CRYBG3: variants seen among roughly 807,000 people sequenced by gnomAD.
The protein encoded by CRYBG3 is crystallin beta-gamma domain containing 3.
In CRYBG3, 127 loss-of-function variants were observed where a neutral mutation model predicts 244.2. The ratio of observed to expected loss-of-function variants is 0.52; its 90% confidence interval spans 0.45 to 0.60. The LOEUF (loss-of-function observed/expected upper bound fraction) is 0.60. Ranked by LOEUF, CRYBG3 falls within the 20% of genes least tolerant of loss-of-function variation. The probability of loss-of-function intolerance (pLI) is 0.00; values close to 1 mark genes in which losing one functional copy is unlikely to be tolerated. For synonymous variants in CRYBG3, 1,132 were observed against 1,195.8 expected, an observed-to-expected ratio of 0.95 and a Z score of 1.10; for missense variants, 3,325 against 3,442.5, an observed-to-expected ratio of 0.97 and a Z score of 0.85.
intron 1 of CRYBG3, among the ~76,000 whole-genome samples, chr3:97,837,772 C>T (rs934107115): frequency 1.3e-5 from 2 of 152,196 alleles, no homozygotes; most frequent in Non-Finnish European, 1.5e-5. Context: ...CTTCCTCTCT[C>T]GAAATGGCAA....
intron 1 of CRYBG3, among the ~76,000 whole-genome samples, chr3:97,829,006 A>G (rs1356364544): frequency 6.6e-6 from 1 of 152,130 alleles, no homozygotes; most frequent in Admixed American, 6.5e-5. Context: ...AAGGGATGAG[A>G]GGCAGGAGAA....
chr3:97,838,065 A>T (rs2038759332), intron 1 of CRYBG3, among the ~76,000 whole-genome samples: 1 of 152,044 alleles, frequency 6.6e-6, no homozygotes, highest in Non-Finnish European at 1.5e-5. Context: ...CCTCATGAGA[A>T]ATTGACTCTG....
At chr3:97,924,019 G>A (rs1486336217) in intron 17 of CRYBG3, among the ~76,000 whole-genome samples, 1 of 152,040 alleles carries the variant, frequency 6.6e-6, no homozygotes, top group African/African-American at 2.4e-5. Context: ...AGAACAACAT[G>A]TAGGGTCACT....
At chr3:97,870,916 C>G (rs542595681) in intron 3 of CRYBG3, among the ~76,000 whole-genome samples, 1 of 152,102 alleles carries the variant, frequency 6.6e-6, no homozygotes, top group African/African-American at 2.4e-5. Flanking sequence ...ATGTTGTGCT[C>G]TGTGCACCCA....
intron 2 of CRYBG3, 96 bp from the exon 3 acceptor site, chr3:97,864,121 C>T: frequency 1.0e-6 from 1 of 957,556 alleles, no homozygotes; most frequent in Non-Finnish European, 1.5e-6. Context: ...ACAAATGTAT[C>T]CCTGGTGTCT....
At chr3:97,823,325 C>G (rs1333066374) in intron 1 of CRYBG3, among the ~76,000 whole-genome samples, 1 of 152,100 alleles carries the variant, frequency 6.6e-6, no homozygotes, top group East Asian at 1.9e-4. Flanking sequence ...GTGTTTACTT[C>G]GGACTCAAGA....
intron 2 of CRYBG3, among the ~76,000 whole-genome samples, chr3:97,861,269 A>G (rs1326305776): frequency 6.6e-6 from 1 of 152,124 alleles, no homozygotes; most frequent in East Asian, 1.9e-4. Flanking sequence ...CTTCGAATTA[A>G]GCTCAAATGT....
intron 10 of CRYBG3, among the ~76,000 whole-genome samples, chr3:97,891,810 C>T (rs953002597): frequency 1.3e-5 from 2 of 152,140 alleles, no homozygotes; most frequent in East Asian, 1.9e-4. Context: ...TGAATGGGAG[C>T]ATTGCCGTGG....
rs1432602675 is a variant in CRYBG3 at position 97,864,556 on chromosome 3, G to A, written c.556G>A (p.Glu186Lys). 2.2e-5 allele frequency: 34 copies of A among 1,535,746 alleles called. No individual in the cohort carries two copies. The highest frequency in any genetic ancestry group is 3.0e-5 in the Non-Finnish European group (34 of 1,146,754). The change falls in exon 3 of 22, where the codon GAA (glutamate) becomes AAA (lysine). Residue 186 changes from glutamate to lysine, a missense_variant. Around this residue, in one of 4 missense-constraint regions of CRYBG3, gnomAD observed 1,526 missense variants for 1,443.2 expected, o/e 1.06. Transcript: ENST00000389622. ...CCTAAGAACCCAGACACATCCAACA[G>A]AAGAACAAGACTCTAACTCATCCGA... The part of the protein sequence containing the change: ...GSLRTQTHPT[E>K]EQDSNSSELS...
rs1267695962 is a variant in CRYBG3, at chr3:97,943,902, G to A, written c.*588G>A. ...TAACTAACCCCAGGCAGGGACCTCA[G>A]CTTTGTTAGGAATAAGGCACAAGAA... is the stretch of plus-strand genomic sequence containing the variant. On this transcript the variant is annotated 3_prime_UTR_variant, in exon 22 of 22. Transcript: ENST00000389622. The A allele has an allele frequency of 6.6e-6, 1 of 151,926 alleles. No individual in the cohort carries two copies. The highest frequency in any genetic ancestry group is 2.4e-5 in the African/African-American group (1 of 41,414). The allele number at this position is 151,926 out of a possible 1,614,324, so 9.4% of individuals were successfully genotyped here. A position where few individuals can be genotyped will look rare whatever the true frequency, so the allele number is the denominator to read the frequency against.
chr3:97,920,615 C>T (rs2316963), intron 17 of CRYBG3, among the ~76,000 whole-genome samples: 71,815 of 151,832 alleles, frequency 0.47, 17,497 homozygotes, highest in East Asian at 0.67. Context: ...CTGCAACCTC[C>T]GCCTCCCAAG....
At chr3:97,882,187 G>A (rs568386543) in intron 7 of CRYBG3, among the ~76,000 whole-genome samples, 3 of 147,422 alleles carry the variant, frequency 2.0e-5, no homozygotes, top group African/African-American at 7.5e-5. Flanking sequence ...CAGCCTGGGC[G>A]ACAGAGCAAG....
intron 3 of CRYBG3, among the ~76,000 whole-genome samples, chr3:97,870,909 TTGTGCTCTGTGCACCCAGAGATCAAAG>T (rs971220690): frequency 4.3e-5 from 4 of 94,094 alleles, no homozygotes; most frequent in Non-Finnish European, 5.8e-5. Context: ...GTGACAAATG[TTGTGCTCTGTGCACCCAGAGATCAAAG>T]ACTAACTGTC....
rs765987394 is a variant in CRYBG3 at position 97,886,772 on chromosome 3, G to A, written c.7289+5G>A. ...CTTCACTGTGAAGTCAGGAGTGTAC[G>A]TATCAGTTCCTTTTTATTATAGTGA... On this transcript the variant is annotated splice_donor_5th_base_variant and intron_variant, in intron 8 of 21. Coordinates refer to ENST00000389622, the MANE Select transcript of CRYBG3 (RefSeq NM_153605.4). The A allele has an allele frequency of 2.6e-6, 4 of 1,562,650 alleles. No homozygotes were observed. Among genetic ancestry groups the A allele is most frequent in the Non-Finnish European group, 3.4e-6 (4 of 1,161,138 alleles).
intron 19 of CRYBG3, among the ~76,000 whole-genome samples, chr3:97,937,137 T>C (rs138530892): frequency 6.6e-6 from 1 of 152,130 alleles, no homozygotes; most frequent in Admixed American, 6.6e-5. Flanking sequence ...CCATGTTCAC[T>C]TTTCGTGGAA....
chr3:97,822,275 T>C lies in CRYBG3; in HGVS notation c.69T>C (p.Ser23=). Reference sequence around the variant, plus strand: ...TCTCCCGGTTCTTCGCTCCCCGAAGTCCTTCCCGGGACAAGGAAGAGGAAG... The same window carrying C: ...TCTCCCGGTTCTTCGCTCCCCGAAGCCCTTCCCGGGACAAGGAAGAGGAAG... ...HSFSRFFAPR[S]PSRDKEEEEE... The change falls in exon 1 of 22, where the codon AGT becomes AGC. Residue 23 remains serine, a synonymous_variant. Coordinates refer to ENST00000389622, the MANE Select transcript of CRYBG3 (RefSeq NM_153605.4). 1 of 1,530,844 alleles carries C rather than the reference T, an allele frequency of 6.5e-7. No homozygotes were observed. The highest frequency in any genetic ancestry group is 8.7e-7 in the Non-Finnish European group (1 of 1,144,746). The allele number at this position is 1,530,844 out of a possible 1,614,324, so 94.8% of individuals were successfully genotyped here.
At chr3:97,889,490 T>C in intron 10 of CRYBG3, 100 bp downstream of exon 10, 4 of 981,778 alleles carry the variant, frequency 4.1e-6, no homozygotes, top group Non-Finnish European at 6.4e-6. Flanking sequence ...CCTCCACATA[T>C]GATTATACTT....
At chr3:97,925,034 A>G (rs2040025143) in intron 17 of CRYBG3, among the ~76,000 whole-genome samples, 1 of 152,016 alleles carries the variant, frequency 6.6e-6, no homozygotes, top group African/African-American at 2.4e-5. Context: ...GGTGGCTCAC[A>G]TCTGTAATTC....
chr3:97,880,954 C>A, intron 6 of CRYBG3, 118 bp from the exon 7 acceptor site: 3 of 670,610 alleles, frequency 4.5e-6, no homozygotes, highest in South Asian at 3.0e-5. Flanking sequence ...GGGTTATATG[C>A]TAATAGTGGA....
Sources: allele counts gnomAD v4.1 joint callset (sites outside exome capture counted in the v4.1 genomes callset), GRCh38; gene constraint gnomAD v4.1.1; regional missense constraint gnomAD v4.1.1; transcripts MANE v1.5; gene names NCBI Gene and HGNC (gene_info 2026-07-23, HGNC 2026-07-21).